NALF2: variants seen among roughly 807,000 people sequenced by gnomAD.
NALF2 encodes NALCN channel auxiliary factor 2.
In NALF2, 1 loss-of-function variant was observed where a neutral mutation model predicts 24.8. The ratio of observed to expected loss-of-function variants is 0.04; its 90% confidence interval spans 0.01 to 0.19. The LOEUF (loss-of-function observed/expected upper bound fraction) is 0.19, where lower values mean the gene tolerates loss of function less well. Among genes scored for constraint, NALF2 ranks in the 10% least tolerant of loss-of-function variants. NALF2 has a pLI of 1.00. For synonymous variants in NALF2, 254 were observed against 189.8 expected, an observed-to-expected ratio of 1.34 and a Z score of -2.78; for missense variants, 458 against 409.6, an observed-to-expected ratio of 1.12 and a Z score of -1.02.
Position 69,529,688 on chromosome X carries a change from A to G in NALF2, c.1151A>G (p.Gln384Arg), listed in dbSNP as rs1930867066. The G allele has an allele frequency of 8.3e-7, 1 of 1,209,347 alleles. No individual in the cohort carries two copies. Among genetic ancestry groups the G allele is most frequent in the Non-Finnish European group, 1.1e-6 (1 of 894,003 alleles). ...TCTGAGGCCCCCAAAACCCACCAGC[A>G]GCAATTCCACCACTCCTATTTCCAC... ...KESEAPKTHQ[Q>R]QFHHSYFHHY... The change falls in exon 3 of 3, where the codon CAG (glutamine) becomes CGG (arginine). Residue 384 changes from glutamine to arginine, a missense_variant. Physicochemically the swap from Gln to Arg is conservative, Grantham distance 43. Coordinates refer to ENST00000252338, the MANE Select transcript of NALF2 (RefSeq NM_015686.3).
chrX:69,505,507 C>T lies in NALF2; in HGVS notation c.225C>T (p.Ser75=), dbSNP rs1930451147. The T allele has an allele frequency of 1.2e-5, 12 of 1,012,564 alleles. No homozygotes were observed. Among genetic ancestry groups the T allele is most frequent in the Non-Finnish European group, 1.5e-5 (12 of 805,349 alleles). The allele number at this position is 1,012,564 out of a possible 1,213,427, so 83.4% of individuals were successfully genotyped here. A position where few individuals can be genotyped will look rare whatever the true frequency, so the allele number is the denominator to read the frequency against. Residue 75 remains serine, a synonymous_variant, in exon 1 of 3, where the codon AGC becomes AGT. Coordinates refer to ENST00000252338, the MANE Select transcript of NALF2 (RefSeq NM_015686.3). ...CCCGGCCCCGGGCCAGGGAGCTGAG[C>T]AGCGCCATGCGGCCCCCATGGGGGG... The part of the protein sequence containing the change: ...AGARPRAREL[S]SAMRPPWGAG...
intron 1 of NALF2, among the ~76,000 whole-genome samples, chrX:69,525,224 G>T (rs1247244915): frequency 8.9e-6 from 1 of 111,944 alleles, no homozygotes; most frequent in Non-Finnish European, 1.9e-5. Context: ...TCACCTAGGA[G>T]CTGGAACACT....
At chrX:69,514,050 G>A (rs772952626) in intron 1 of NALF2, among the ~76,000 whole-genome samples, 2 of 110,652 alleles carry the variant, frequency 1.8e-5, no homozygotes, top group South Asian at 3.9e-4. Context: ...AAACTTAGCC[G>A]GGCATGGCGG....
chrX:69,516,586 T>C (rs1930664697), intron 1 of NALF2, among the ~76,000 whole-genome samples: 1 of 112,243 alleles, frequency 8.9e-6, no homozygotes, highest in Non-Finnish European at 1.9e-5. Flanking sequence ...AAGGCTACTC[T>C]AGAAGCCCCC....
intron 1 of NALF2, among the ~76,000 whole-genome samples, chrX:69,519,972 T>G (rs1291356794): frequency 1.8e-5 from 2 of 112,136 alleles, no homozygotes; most frequent in East Asian, 5.6e-4. Flanking sequence ...CACTCCCTAT[T>G]CTTTGAAATT....
chrX:69,524,212 C>T (rs1410827474), intron 1 of NALF2, among the ~76,000 whole-genome samples: 3 of 108,656 alleles, frequency 2.8e-5, no homozygotes, highest in African/African-American at 1.0e-4. Flanking sequence ...ACCCTCCCAC[C>T]TCAGCATCCT....
rs1202168862 is a variant in NALF2 at position 69,527,762 on chromosome X, C to A, written c.862-1231C>A. On this transcript the variant is annotated intron_variant, in intron 1 of 2. Coordinates refer to ENST00000252338, the MANE Select transcript of NALF2 (RefSeq NM_015686.3). ...AGGAACAGGCAAGGTGCATGAGAGC[C>A]ATCTGGGCATCTGTTAAAATGCAGA... Among the ~76,000 whole-genome samples, 7 of 111,502 alleles carry A rather than the reference C, an allele frequency of 6.3e-5. No homozygotes were observed. In the Admixed American group the frequency reaches 6.6e-4, roughly 11 times the overall value.
At chrX:69,527,835 A>G (rs1930829772) in intron 1 of NALF2, among the ~76,000 whole-genome samples, 1 of 111,666 alleles carries the variant, frequency 9.0e-6, no homozygotes. Flanking sequence ...TGCATCTCTC[A>G]CAAGCTCCTA....
Position 69,504,995 on chromosome X carries a change from T to C in NALF2, c.-288T>C, listed in dbSNP as rs1318554480. ...GCCGCCGCAGCCGCCACCGCCCCAG[T>C]GCCCCGCACCGCCCCCAGCCGGGAC... is the stretch of plus-strand genomic sequence containing the variant. On this transcript the variant is annotated 5_prime_UTR_variant, in exon 1 of 3. Coordinates refer to ENST00000252338, the MANE Select transcript of NALF2 (RefSeq NM_015686.3). Among the ~76,000 whole-genome samples, 1 of 105,180 alleles carries C rather than the reference T, an allele frequency of 9.5e-6. No individual in the cohort carries two copies. Among genetic ancestry groups the C allele is most frequent in the Non-Finnish European group, 2.0e-5 (1 of 50,523 alleles). The allele number at this position is 105,180 out of a possible 115,157, so 91.3% of individuals were successfully genotyped here.
chrX:69,526,360 C>G (rs1483754365), intron 1 of NALF2, among the ~76,000 whole-genome samples: 2 of 111,894 alleles, frequency 1.8e-5, no homozygotes, highest in Non-Finnish European at 3.8e-5. Context: ...TTGCTTCCCT[C>G]CAGTGGTCCA....
At chrX:69,513,860 C>T (rs192492334) in intron 1 of NALF2, among the ~76,000 whole-genome samples, 5 of 111,107 alleles carry the variant, frequency 4.5e-5, no homozygotes, top group East Asian at 2.8e-4. Flanking sequence ...ATTTCTAAAA[C>T]GTTTTCATCC....
rs1458686212 is a variant in NALF2, at chrX:69,504,383, CA to C, written c.-899del. On this transcript the variant is annotated 5_prime_UTR_variant, in exon 1 of 3. Transcript: ENST00000252338. ...TTTCTCCGCCCTGCTCCCCGCCAAA[CA>C]CACTTGCACAGGGGCTCTCAAGGTG... 8.8e-6 allele frequency among the ~76,000 whole-genome samples: 1 copy of C among 113,254 alleles called. No individual in the cohort carries two copies. The highest frequency in any genetic ancestry group is 3.2e-5 in the African/African-American group (1 of 31,274).
chrX:69,511,870 G>A (rs1930589480), intron 1 of NALF2, among the ~76,000 whole-genome samples: 1 of 112,224 alleles, frequency 8.9e-6, no homozygotes, highest in African/African-American at 3.2e-5. Flanking sequence ...CCCTCTGGAT[G>A]TGTCAGTACC....
At chrX:69,525,003 G>A (rs1177322226) in intron 1 of NALF2, among the ~76,000 whole-genome samples, 1 of 111,688 alleles carries the variant, frequency 9.0e-6, no homozygotes, top group Non-Finnish European at 1.9e-5. Context: ...CTGGCTGGGG[G>A]TGTGGGGACT....
intron 1 of NALF2, among the ~76,000 whole-genome samples, chrX:69,506,975 C>T (rs1323948725): frequency 8.9e-6 from 1 of 112,208 alleles, no homozygotes; most frequent in East Asian, 2.8e-4. Flanking sequence ...TGTTAAGAAA[C>T]TTCTTGACCC....
intron 1 of NALF2, among the ~76,000 whole-genome samples, chrX:69,519,934 G>C (rs1232771888): frequency 8.9e-6 from 1 of 111,932 alleles, no homozygotes; most frequent in Non-Finnish European, 1.9e-5. Flanking sequence ...AAACCAGTGT[G>C]TTCCCATCTA....
At position 69,529,866 on chromosome X, in the gene NALF2, C is replaced by T. The variant is rs147419591; in HGVS notation, c.1329C>T (p.Thr443=). The T allele has an allele frequency of 5.4e-4, 659 of 1,209,653 alleles. 1 individual carries two copies. Among genetic ancestry groups the T allele is most frequent in the Non-Finnish European group, 6.1e-4 (546 of 894,853 alleles). Residue 443 remains threonine, a synonymous_variant, in exon 3 of 3, where the codon ACC becomes ACT. Coordinates refer to ENST00000252338, the MANE Select transcript of NALF2 (RefSeq NM_015686.3). The part of the protein sequence containing the change: ...LCVLVLMLLH[T]VVSFSSNQGG... ...TCCTTGTTCTCATGCTCCTCCATACCGTGGTGTCCTTCTCCAGCAACCAGG... is the reference window on the plus strand; with the variant it reads ...TCCTTGTTCTCATGCTCCTCCATACTGTGGTGTCCTTCTCCAGCAACCAGG...
At chrX:69,506,208 G>T in intron 1 of NALF2, 65 bp downstream of exon 1, 2 of 1,120,391 alleles carry the variant, frequency 1.8e-6, no homozygotes, top group Non-Finnish European at 2.4e-6. Flanking sequence ...CAGTGGGACC[G>T]GGAGAAAAAA....
chrX:69,520,226 C>T (rs767975960), intron 1 of NALF2, among the ~76,000 whole-genome samples: 5 of 112,094 alleles, frequency 4.5e-5, no homozygotes, highest in Non-Finnish European at 7.5e-5. Context: ...AGGTTTAGCA[C>T]AACAAATGGT....
Sources: gnomAD v4.1 joint callset for allele counts (sites outside exome capture counted in the v4.1 genomes callset) on GRCh38, gnomAD v4.1.1 for gene constraint, MANE v1.5 for transcripts, NCBI Gene and HGNC (gene_info 2026-07-23, HGNC 2026-07-21) for gene names.